Variants in CTNNA2 observed in about 807,000 individuals in gnomAD.
The protein encoded by CTNNA2 is catenin alpha 2.
A neutral mutation model predicts 101.0 loss-of-function variants in CTNNA2; 42 were observed. The observed-to-expected ratio is 0.42, with a 90% CI of 0.32 to 0.54. CTNNA2 has a LOEUF of 0.54. Ranked by LOEUF, CTNNA2 falls within the 20% of genes least tolerant of loss-of-function variation. The pLI, the probability that CTNNA2 is intolerant of heterozygous loss-of-function variation, is 0.14. For synonymous variants in CTNNA2, 450 were observed against 456.4 expected (o/e 0.99, Z 0.18); for missense variants, 871 against 1,223.1 (o/e 0.71, Z 4.29).
intron 18 of CTNNA2, among the ~76,000 whole-genome samples, chr2:80,634,256 A>T (rs1672617084): frequency 6.6e-6 from 1 of 152,172 alleles, no homozygotes; most frequent in African/African-American, 2.4e-5. Flanking sequence ...TTAAGGCATG[A>T]GGATGGAAAT....
intron 3 of CTNNA2, among the ~76,000 whole-genome samples, chr2:79,770,019 A>C (rs1286985852): frequency 1.3e-5 from 2 of 152,202 alleles, no homozygotes; most frequent in African/African-American, 4.8e-5. Flanking sequence ...CCTTACTGGC[A>C]GCATGAATCT....
At chr2:80,442,504 G>T (rs1682682137) in intron 9 of CTNNA2, among the ~76,000 whole-genome samples, 1 of 152,122 alleles carries the variant, frequency 6.6e-6, no homozygotes, top group Admixed American at 6.5e-5. Context: ...GTGGAACCTG[G>T]CTCCATCTTG....
chr2:79,669,387 C>T (rs942874982), intron 2 of CTNNA2, among the ~76,000 whole-genome samples: 1 of 152,112 alleles, frequency 6.6e-6, no homozygotes, highest in Non-Finnish European at 1.5e-5. Context: ...GTTACGAGAC[C>T]TCTGGGGTGT....
At chr2:79,273,897 G>C (rs1260956039) in intron 2 of CTNNA2, among the ~76,000 whole-genome samples, 1 of 151,512 alleles carries the variant, frequency 6.6e-6, no homozygotes, top group Non-Finnish European at 1.5e-5. Flanking sequence ...TTCATGCCTT[G>C]TCACCTGACC....
chr2:79,557,154 T>G (rs923319171), intron 1 of CTNNA2, among the ~76,000 whole-genome samples: 1 of 152,064 alleles, frequency 6.6e-6, no homozygotes, highest in African/African-American at 2.4e-5. Flanking sequence ...GTCAGTTTTT[T>G]GTTTATTATT....
At chr2:79,947,144 G>A (rs1688554231) in intron 7 of CTNNA2, among the ~76,000 whole-genome samples, 1 of 152,022 alleles carries the variant, frequency 6.6e-6, no homozygotes, top group African/African-American at 2.4e-5. Context: ...CAAAATTCTG[G>A]GATCATATTT....
intron 7 of CTNNA2, among the ~76,000 whole-genome samples, chr2:79,967,284 G>A (rs777753934): frequency 1.3e-5 from 2 of 152,062 alleles, no homozygotes; most frequent in Admixed American, 6.6e-5. Flanking sequence ...CTCAGTGTGT[G>A]CACCGCTGAT....
intron 2 of CTNNA2, among the ~76,000 whole-genome samples, chr2:79,655,946 G>A (rs916506344): frequency 2.6e-5 from 4 of 152,080 alleles, no homozygotes; most frequent in Non-Finnish European, 4.4e-5. Context: ...CAGTGAAGTG[G>A]CTAATTCATA....
intron 2 of CTNNA2, among the ~76,000 whole-genome samples, chr2:79,279,465 C>T (rs1223302979): frequency 2.6e-5 from 4 of 152,072 alleles, no homozygotes; most frequent in Admixed American, 6.6e-5. Context: ...AGTTTTCGTC[C>T]ATGCCCCCAA....
chr2:80,277,244 A>C (rs753441783), intron 7 of CTNNA2, among the ~76,000 whole-genome samples: 61 of 152,136 alleles, frequency 4.0e-4, no homozygotes, highest in Non-Finnish European at 7.8e-4. Flanking sequence ...TCATTCTTTC[A>C]GCAGATCAAT....
intron 2 of CTNNA2, among the ~76,000 whole-genome samples, chr2:79,215,644 T>TCA (rs1674245372): frequency 6.6e-6 from 1 of 151,874 alleles, no homozygotes; most frequent in African/African-American, 2.4e-5. Context: ...CTGGGCTGGG[T>TCA]TTTTATATTT....
At chr2:80,601,509 T>C (rs1210694805) in intron 15 of CTNNA2, 1 of 150,572 alleles carries the variant, frequency 6.6e-6, no homozygotes, top group Non-Finnish European at 1.5e-5. Flanking sequence ...ATCTCCTTTC[T>C]GGTCTGTTTT....
chr2:80,294,460 C>T (rs1408283329), intron 7 of CTNNA2, among the ~76,000 whole-genome samples: 2 of 151,580 alleles, frequency 1.3e-5, no homozygotes, highest in African/African-American at 4.8e-5. Flanking sequence ...GGAGCCCTGA[C>T]CCCATGGAGC....
intron 3 of CTNNA2, among the ~76,000 whole-genome samples, chr2:79,365,226 G>A (rs771150131): frequency 2.0e-5 from 3 of 151,826 alleles, no homozygotes; most frequent in South Asian, 2.1e-4. Context: ...GCAGTGAGTC[G>A]AGATCATGTC....
At chr2:79,683,216 G>A (rs768161288) in intron 2 of CTNNA2, among the ~76,000 whole-genome samples, 1 of 152,158 alleles carries the variant, frequency 6.6e-6, no homozygotes, top group East Asian at 1.9e-4. Context: ...TGGTACAAGA[G>A]GTTAATGGGC....
In CTNNA2 at chr2:80,302,904, G is replaced by A. The variant is rs374701054; in HGVS notation, c.1057-90307G>A. 5.0e-6 allele frequency: 8 copies of A among 1,614,034 alleles called. No homozygotes were observed. In the African/African-American group the frequency reaches 1.1e-4, roughly 22 times the overall value. Reference sequence around the variant, plus strand: ...TTCCCGGCCAGGGTGATGCTTGTCAGGGACTTCCAAGAGTTGAGGATCCGG... The same window carrying A: ...TTCCCGGCCAGGGTGATGCTTGTCAAGGACTTCCAAGAGTTGAGGATCCGG... On this transcript the variant is annotated intron_variant, in intron 7 of 18. Coordinates refer to ENST00000402739, the MANE Select transcript of CTNNA2 (RefSeq NM_001282597.3). This position sits in a 1 kb window ranked among gnomAD's most constrained non-coding sequence, Gnocchi z 6.4.
intron 7 of CTNNA2, chr2:80,298,948 A>G (rs1676000030): frequency 6.6e-6 from 1 of 152,182 alleles, no homozygotes; most frequent in Non-Finnish European, 1.5e-5. Context: ...GGTCCAACCT[A>G]AAAAACTACT....
At chr2:80,209,830 C>T (rs764990763) in intron 7 of CTNNA2, among the ~76,000 whole-genome samples, 5 of 152,118 alleles carry the variant, frequency 3.3e-5, no homozygotes, top group Admixed American at 6.5e-5. Flanking sequence ...AGCGAAAACC[C>T]GAATGCTAGC....
chr2:80,237,950 C>A (rs971911157), intron 7 of CTNNA2, among the ~76,000 whole-genome samples: 8 of 152,052 alleles, frequency 5.3e-5, no homozygotes, highest in Non-Finnish European at 1.2e-4. Context: ...CTTGGTCCAG[C>A]ACCTTCTCTA....
Sources: allele counts gnomAD v4.1 joint callset (sites outside exome capture counted in the v4.1 genomes callset), GRCh38; gene constraint gnomAD v4.1.1; non-coding constraint Gnocchi (gnomAD v3.1); transcripts MANE v1.5; gene names NCBI Gene and HGNC (gene_info 2026-07-23, HGNC 2026-07-21).